SHISA9: variants seen among roughly 807,000 people sequenced by gnomAD.
The protein encoded by SHISA9 is protein shisa-9.
In SHISA9, 13 loss-of-function variants were observed where a neutral mutation model predicts 38.0. That is an observed-to-expected ratio of 0.34 (90% CI 0.22 to 0.54). The LOEUF (loss-of-function observed/expected upper bound fraction) is 0.54, where lower values mean the gene tolerates loss of function less well. SHISA9 is among the 20% of genes least tolerant of loss of function. The pLI, the probability that SHISA9 is intolerant of heterozygous loss-of-function variation, is 0.91. For synonymous variants in SHISA9, 275 were observed against 242.0 expected (o/e 1.14, Z -1.27); for missense variants, 538 against 575.8 (o/e 0.93, Z 0.67).
chr16:13,290,676 C>G, the SHISA9 span, among the ~76,000 whole-genome samples: 1 of 152,130 alleles, frequency 6.6e-6, no homozygotes, highest in Non-Finnish European at 1.5e-5. Context: ...CCCTGCCTCC[C>G]TCTCTCTGGT....
the SHISA9 span, among the ~76,000 whole-genome samples, chr16:13,532,878 C>T: frequency 1.3e-5 from 2 of 152,106 alleles, no homozygotes; most frequent in African/African-American, 2.4e-5. Context: ...CTTCCATCCT[C>T]GTGAGTCTAA....
the SHISA9 span, among the ~76,000 whole-genome samples, chr16:13,268,985 C>G: frequency 6.6e-6 from 1 of 152,022 alleles, no homozygotes; most frequent in Non-Finnish European, 1.5e-5. Context: ...AAGCTGTGAT[C>G]AAATGGTGGA....
chr16:13,280,932 A>C, the SHISA9 span, among the ~76,000 whole-genome samples: 2 of 151,902 alleles, frequency 1.3e-5, no homozygotes, highest in South Asian at 4.1e-4. Context: ...AGGAAACCCA[A>C]AGAAATGGGA....
At chr16:12,924,240 C>A (rs1180020959) in intron 2 of SHISA9, among the ~76,000 whole-genome samples, 1 of 152,108 alleles carries the variant, frequency 6.6e-6, no homozygotes, top group African/African-American at 2.4e-5. Flanking sequence ...AGGTAGACGG[C>A]TGTTTGAATC....
downstream of SHISA9, among the ~76,000 whole-genome samples, chr16:13,243,489 A>T (rs983806837): frequency 1.3e-5 from 2 of 152,156 alleles, no homozygotes; most frequent in African/African-American, 4.8e-5. Context: ...TTTCTGGTTG[A>T]CAATTGGTTG....
At chr16:13,326,195 A>G in the SHISA9 span, among the ~76,000 whole-genome samples, 49 of 152,160 alleles carry the variant, frequency 3.2e-4, no homozygotes, top group African/African-American at 1.1e-3. Flanking sequence ...ATTCAGGCCC[A>G]CCCACCGTAG....
chr16:13,554,343 G>A, the SHISA9 span, among the ~76,000 whole-genome samples: 1 of 149,810 alleles, frequency 6.7e-6, no homozygotes, highest in Admixed American at 6.7e-5. Flanking sequence ...GATAACTACA[G>A]GGAAGGGCAT....
chr16:13,410,462 C>T, the SHISA9 span, among the ~76,000 whole-genome samples: 1 of 152,174 alleles, frequency 6.6e-6, no homozygotes, highest in South Asian at 2.1e-4. Context: ...CAGCTAAGCA[C>T]CTTCTGGCAC....
At chr16:13,307,972 C>T in the SHISA9 span, among the ~76,000 whole-genome samples, 1 of 152,132 alleles carries the variant, frequency 6.6e-6, no homozygotes, top group African/African-American at 2.4e-5. Flanking sequence ...CAAATCTCAC[C>T]GCATATATTC....
chr16:13,042,860 T>C (rs965800935), intron 2 of SHISA9, among the ~76,000 whole-genome samples: 2 of 152,180 alleles, frequency 1.3e-5, no homozygotes, highest in South Asian at 2.1e-4. Context: ...TGGCTGCCAC[T>C]GTATCACTAA....
the SHISA9 span, among the ~76,000 whole-genome samples, chr16:13,271,258 A>G: frequency 6.6e-6 from 1 of 152,176 alleles, no homozygotes; most frequent in African/African-American, 2.4e-5. Context: ...AACAAACATT[A>G]CCTGTTGGAC....
At chr16:13,371,167 T>A in the SHISA9 span, among the ~76,000 whole-genome samples, 5 of 152,058 alleles carry the variant, frequency 3.3e-5, no homozygotes, top group African/African-American at 7.3e-5. Context: ...TATCCAAAAC[T>A]ACAAAGCTAC....
chr16:13,141,244 A>G (rs114806093), intron 2 of SHISA9, among the ~76,000 whole-genome samples: 275 of 152,210 alleles, frequency 1.8e-3, no homozygotes, highest in African/African-American at 6.3e-3. Flanking sequence ...CCATGGTGAT[A>G]ATGACAATGG....
chr16:12,921,304 C>T (rs1313893372), intron 2 of SHISA9, among the ~76,000 whole-genome samples: 1 of 152,184 alleles, frequency 6.6e-6, no homozygotes, highest in Non-Finnish European at 1.5e-5. Flanking sequence ...CCCTGACTCT[C>T]CTAGGACAGT....
intron 2 of SHISA9, among the ~76,000 whole-genome samples, chr16:13,195,547 AT>A (rs2050929551): frequency 6.6e-6 from 1 of 152,198 alleles, no homozygotes; most frequent in Non-Finnish European, 1.5e-5. Flanking sequence ...TACTCCTTAG[AT>A]ACGGTGTGAA....
chr16:13,310,684 C>CT, the SHISA9 span, among the ~76,000 whole-genome samples: 21,373 of 125,550 alleles, frequency 0.17, 2,200 homozygotes, highest in South Asian at 0.23. Flanking sequence ...GATTTTTATG[C>CT]TTTTTTTTTT....
intron 2 of SHISA9, among the ~76,000 whole-genome samples, chr16:12,953,726 A>G (rs554686985): frequency 6.6e-6 from 1 of 152,318 alleles, no homozygotes; most frequent in Admixed American, 6.5e-5. Context: ...CACTGCTATA[A>G]AATTCTACCT....
intron 2 of SHISA9, among the ~76,000 whole-genome samples, chr16:13,021,189 T>C (rs2072849056): frequency 6.6e-6 from 1 of 152,178 alleles, no homozygotes; most frequent in Admixed American, 6.5e-5. Flanking sequence ...TCCTACCTCC[T>C]TCAGGGTGTT....
Position 13,235,427 on chromosome 16 carries a change from C to A in SHISA9, c.*18C>A. 1.3e-6 allele frequency: 2 copies of A among 1,525,192 alleles called. No homozygotes were observed. Among genetic ancestry groups the A allele is most frequent in the Non-Finnish European group, 1.8e-6 (2 of 1,139,942 alleles). 94.5% of individuals were successfully genotyped at this position (1,525,192 alleles called of 1,614,324 possible). ...CTGTCTGAGCTTTCACCACAGGGAG[C>A]ACCCTGGAGACCACACTCAACTGAG... is the stretch of plus-strand genomic sequence containing the variant. On this transcript the variant is annotated 3_prime_UTR_variant, in exon 5 of 5. Coordinates refer to ENST00000558583, the MANE Select transcript of SHISA9 (RefSeq NM_001145204.3).
Sources: gnomAD v4.1 joint callset for allele counts (sites outside exome capture counted in the v4.1 genomes callset) on GRCh38, gnomAD v4.1.1 for gene constraint, MANE v1.5 for transcripts, NCBI Gene and HGNC (gene_info 2026-07-23, HGNC 2026-07-21) for gene names.